PECR: variants seen among roughly 807,000 people sequenced by gnomAD.
PECR encodes the protein 2,4-dienoyl-CoA reductase-related protein.
In PECR, 30 loss-of-function variants were observed where a neutral mutation model predicts 35.3. The observed-to-expected ratio is 0.85, with a 90% CI of 0.64 to 1.15. The LOEUF (loss-of-function observed/expected upper bound fraction) is 1.15. PECR is among the 50% of genes most tolerant of loss of function. PECR has a pLI of 0.00. For missense variants in PECR, 392 were observed against 370.8 expected, an observed-to-expected ratio of 1.06 and a Z score of -0.47; for synonymous variants, 148 against 138.9, an observed-to-expected ratio of 1.07 and a Z score of -0.46.
chr2:216,070,098 A>G (rs1477671343), intron 1 of PECR, among the ~76,000 whole-genome samples: 2 of 152,240 alleles, frequency 1.3e-5, no homozygotes, highest in African/African-American at 2.4e-5. Flanking sequence ...ATGAGAAGGC[A>G]AGCACTAATC....
intron 7 of PECR, among the ~76,000 whole-genome samples, chr2:216,043,101 G>GTATATATATATACACATA (rs1559207941): frequency 3.3e-5 from 4 of 121,160 alleles, no homozygotes; most frequent in African/African-American, 9.4e-5. Context: ...ATATATGTAT[G>GTATATATATATACACATA]CGTATATATA....
intron 5 of PECR, chr2:216,050,778 G>T (rs1341753466): frequency 6.6e-6 from 1 of 152,296 alleles, no homozygotes; most frequent in Non-Finnish European, 1.5e-5. Flanking sequence ...GCAGGTGCCT[G>T]TAGTCCCAGC....
intron 1 of PECR, among the ~76,000 whole-genome samples, chr2:216,080,444 G>A (rs1196486158): frequency 6.6e-6 from 1 of 152,110 alleles, no homozygotes; most frequent in Non-Finnish European, 1.5e-5. Flanking sequence ...TCCTTATATT[G>A]GATTTTTAGG....
chr2:216,076,704 G>T (rs1356967222), intron 1 of PECR, among the ~76,000 whole-genome samples: 1 of 151,874 alleles, frequency 6.6e-6, no homozygotes, highest in Non-Finnish European at 1.5e-5. Flanking sequence ...GCAGGCTGAG[G>T]CACAAGAATC....
chr2:216,040,204 C>T (rs1694862945), intron 7 of PECR, among the ~76,000 whole-genome samples: 1 of 152,214 alleles, frequency 6.6e-6, no homozygotes. Context: ...AATTCCTTTA[C>T]TGATGAGCCC....
Position 216,045,308 on chromosome 2 carries a change from G to A in PECR, c.715-1293C>T, listed in dbSNP as rs375109175. On this transcript the variant is annotated intron_variant, in intron 6 of 7. Coordinates refer to ENST00000265322, the MANE Select transcript of PECR (RefSeq NM_018441.6). ...TAAAACGAGGCCATTAGACATAGTC[G>A]CCTACTCAAACACTTTCAGTATGAC... is the stretch of plus-strand genomic sequence containing the variant. Among the ~76,000 whole-genome samples, 45 of 152,306 alleles carry A rather than the reference G, an allele frequency of 3.0e-4. No individual in the cohort carries two copies. In the South Asian group the frequency reaches 8.3e-3, roughly 28 times the overall value.
chr2:216,041,966 C>A (rs1012699096), intron 7 of PECR, among the ~76,000 whole-genome samples: 1 of 152,202 alleles, frequency 6.6e-6, no homozygotes, highest in African/African-American at 2.4e-5. Flanking sequence ...CCTGTAATAT[C>A]CTTTATCATA....
At chr2:216,036,082 G>T (rs910821556), downstream of PECR, among the ~76,000 whole-genome samples, 4 of 152,218 alleles carry the variant, frequency 2.6e-5, no homozygotes, top group African/African-American at 9.6e-5. Context: ...CATAGGCATG[G>T]AATCCCATGG....
At chr2:216,045,717 G>C (rs1694976185) in intron 6 of PECR, among the ~76,000 whole-genome samples, 1 of 152,192 alleles carries the variant, frequency 6.6e-6, no homozygotes, top group Non-Finnish European at 1.5e-5. Context: ...TTTTAACCCT[G>C]TTTGATCCAG....
chr2:216,030,480 G>C (rs1017287047), intron 7 of PECR, among the ~76,000 whole-genome samples: 1 of 152,140 alleles, frequency 6.6e-6, no homozygotes, highest in African/African-American at 2.4e-5. Context: ...GCATGGAAAG[G>C]GCTTAGCAGT....
chr2:216,076,902 CTTT>C (rs766073483), intron 1 of PECR, among the ~76,000 whole-genome samples: 3 of 138,002 alleles, frequency 2.2e-5, no homozygotes, highest in Admixed American at 7.4e-5. Context: ...TCCAATTTTA[CTTT>C]TTTTTTTTTT....
chr2:216,033,163 T>A (rs969712743), intron 7 of PECR, among the ~76,000 whole-genome samples: 4 of 152,186 alleles, frequency 2.6e-5, no homozygotes, highest in African/African-American at 7.2e-5. Flanking sequence ...TAATGTATAA[T>A]GTATCTGCCA....
intron 1 of PECR, among the ~76,000 whole-genome samples, chr2:216,071,764 C>T (rs1472716327): frequency 6.6e-6 from 1 of 152,154 alleles, no homozygotes; most frequent in Non-Finnish European, 1.5e-5. Context: ...CTCTATTTGT[C>T]TCTATTTAAC....
Position 216,038,915 on chromosome 2 carries a change from G to A in PECR, c.*360C>T, listed in dbSNP as rs1694842520. ...GCTGGAATTACAGGCGTGAGCCACT[G>A]CGTCTGGCCTCTACCTTTACAATTA... is the stretch of plus-strand genomic sequence containing the variant. On this transcript the variant is annotated 3_prime_UTR_variant, in exon 8 of 8. Coordinates refer to ENST00000265322, the MANE Select transcript of PECR (RefSeq NM_018441.6). 4.1e-6 allele frequency: 1 copy of A among 245,484 alleles called. No individual in the cohort carries two copies. Among genetic ancestry groups the A allele is most frequent in the Non-Finnish European group, 8.0e-6 (1 of 124,762 alleles). 15.2% of individuals were successfully genotyped at this position (245,484 alleles called of 1,614,324 possible).
chr2:216,039,114 A>G lies in PECR; in HGVS notation c.*161T>C. 1.6e-6 allele frequency: 1 copy of G among 607,596 alleles called. No individual in the cohort carries two copies. 37.6% of individuals were successfully genotyped at this position (607,596 alleles called of 1,614,324 possible). A position where few individuals can be genotyped will look rare whatever the true frequency, so the allele number is the denominator to read the frequency against. ...TAAAAGACTCTGATTGGGACATAAG[A>G]CTGTATATATTTCAGGAATAGTTTT... On this transcript the variant is annotated 3_prime_UTR_variant, in exon 8 of 8. Coordinates refer to ENST00000265322, the MANE Select transcript of PECR (RefSeq NM_018441.6).
intron 1 of PECR, among the ~76,000 whole-genome samples, chr2:216,069,713 G>A (rs1695549050): frequency 2.0e-5 from 3 of 152,040 alleles, no homozygotes; most frequent in Admixed American, 6.6e-5. Flanking sequence ...CGAGGTGGGC[G>A]GATCACAAGG....
intron 7 of PECR, among the ~76,000 whole-genome samples, chr2:216,031,183 G>A (rs1694683277): frequency 6.6e-6 from 1 of 151,982 alleles, no homozygotes; most frequent in Non-Finnish European, 1.5e-5. Flanking sequence ...GAGGCAGGCA[G>A]ATCACCTGAG....
chr2:216,068,529 T>C (rs1312373746), intron 1 of PECR, among the ~76,000 whole-genome samples: 1 of 152,090 alleles, frequency 6.6e-6, no homozygotes, highest in Admixed American at 6.6e-5. Flanking sequence ...GAAGAATTCA[T>C]CAAGGTGATC....
chr2:216,040,726 T>A (rs1694872576), intron 7 of PECR, among the ~76,000 whole-genome samples: 1 of 151,954 alleles, frequency 6.6e-6, no homozygotes, highest in South Asian at 2.1e-4. Context: ...AAAAAATTAG[T>A]GGGGCATAGT....
Sources: allele counts gnomAD v4.1 joint callset (sites outside exome capture counted in the v4.1 genomes callset), GRCh38; gene constraint gnomAD v4.1.1; transcripts MANE v1.5; gene names NCBI Gene and HGNC (gene_info 2026-07-23, HGNC 2026-07-21).